The following ZNF479 variants were observed in gnomAD, a reference collection of about 807,000 sequenced individuals.
ZNF479 encodes the protein zinc finger protein 479, also known as KRAB zinc finger protein KR19.
ZNF479 carries 15 observed loss-of-function variants against 14.7 expected under a neutral mutation model. That is an observed-to-expected ratio of 1.02 (90% CI 0.68 to 1.57). ZNF479 has a LOEUF of 1.57. ZNF479 is among the 40% of genes most tolerant of loss of function. The pLI is 0.00. For missense variants in ZNF479, 506 were observed against 615.1 expected (o/e 0.82, Z 1.88); for synonymous variants, 145 against 211.5 (o/e 0.69, Z 2.73).
chr7:57,134,900 C>T (rs561766236), upstream of ZNF479, among the ~76,000 whole-genome samples: 2 of 152,154 alleles, frequency 1.3e-5, no homozygotes, highest in Admixed American at 6.5e-5. Flanking sequence ...ATCTCGAACT[C>T]CTGACCTCAA....
At chr7:57,134,620 G>T (rs1786563640), upstream of ZNF479, among the ~76,000 whole-genome samples, 2 of 147,514 alleles carry the variant, frequency 1.4e-5, no homozygotes, top group South Asian at 4.3e-4. Context: ...TAATAAATTT[G>T]CTTTTGCTTT....
chr7:57,125,486 AACCAAG>A, intron 3 of ZNF479, among the ~76,000 whole-genome samples: 1 of 151,218 alleles, frequency 6.6e-6, no homozygotes, highest in African/African-American at 2.4e-5. Context: ...GTGGGGGGAT[AACCAAG>A]CCTCTAAATA....
Position 57,121,548 on chromosome 7 carries a change from T to C in ZNF479, c.263-396A>G, listed in dbSNP as rs558129683. ...AGACTGCAGTATGATGGGCAGAAGATAGGTGTAGAACGTAGTTACTGACCA... is the reference window on the plus strand; with the variant it reads ...AGACTGCAGTATGATGGGCAGAAGACAGGTGTAGAACGTAGTTACTGACCA... On this transcript the variant is annotated intron_variant, in intron 3 of 3. Transcript: ENST00000319636. 2.9e-3 allele frequency among the ~76,000 whole-genome samples: 440 copies of C among 152,310 alleles called. 3 individuals carry two copies. Among genetic ancestry groups the C allele is most frequent in the African/African-American group, 0.01 (430 of 41,576 alleles).
rs368326502 is a variant in ZNF479, at chr7:57,126,001, C to T, written c.262+17G>A. 8.6e-5 allele frequency: 138 copies of T among 1,600,816 alleles called. No homozygotes were observed. Among genetic ancestry groups the T allele is most frequent in the Non-Finnish European group, 9.7e-5 (114 of 1,178,710 alleles). On this transcript the variant is annotated intron_variant, in intron 3 of 3. Coordinates refer to ENST00000319636, the MANE Select transcript of ZNF479 (RefSeq NM_001370129.2). ...TACCTCTCATCTGTCTCATCTGCTT[C>T]ATTCGCTCTCACCTACCTGGGTGTT... is the stretch of plus-strand genomic sequence containing the variant.
At chr7:57,134,788 C>A (rs1338028820), upstream of ZNF479, among the ~76,000 whole-genome samples, 1 of 151,332 alleles carries the variant, frequency 6.6e-6, no homozygotes, top group African/African-American at 2.4e-5. Flanking sequence ...GATTCTCCTG[C>A]CTCAGCCTCT....
chr7:57,118,759 C>A lies in ZNF479; in HGVS notation c.*1081G>T, dbSNP rs576130758. 5.3e-5 allele frequency among the ~76,000 whole-genome samples: 8 copies of A among 152,144 alleles called. No individual in the cohort carries two copies. The highest frequency in any genetic ancestry group is 1.2e-4 in the Non-Finnish European group (8 of 68,024). The stretch of plus-strand genomic sequence containing the variant: ...TTTTCACATTCTTTGTACAATTTTT[C>A]TCTAGTATAAATGCTTTCCTGTACC... On this transcript the variant is annotated 3_prime_UTR_variant, in exon 4 of 4. Transcript: ENST00000319636.
Position 57,132,304 on chromosome 7 carries a change from G to T in ZNF479, c.21C>A (p.Pro7=), listed in dbSNP as rs766952650. MAKRPG[P]PGSREMGLLT... ...CACTCACCATTTCTCGGCTTCCAGG[G>T]GGTCCTGGTCTTTTAGCCATAAATC... The change falls in exon 1 of 4, where the codon CCC becomes CCA. Residue 7 remains proline, a synonymous_variant. Transcript: ENST00000319636. 3.7e-6 allele frequency: 6 copies of T among 1,613,954 alleles called. 1 individual carries two copies. The South Asian group carries it at 4.4e-5, about 12-fold the overall frequency.
Position 57,120,539 on chromosome 7 carries a change from A to G in ZNF479, c.876T>C (p.Thr292=), listed in dbSNP as rs1554400180. ...SALTNHKRIH[T]GERPYKCEEC... is the part of the protein sequence containing the mutation. ...CTTCACATTTGTAGGGTCTCTCTCC[A>G]GTATGAATTCTCTTGTGGTTAGTAA... Residue 292 remains threonine, a synonymous_variant, in exon 4 of 4, where the codon ACT becomes ACC. Transcript: ENST00000319636. The G allele has an allele frequency of 6.2e-7, 1 of 1,613,598 alleles. No homozygotes were observed. The highest frequency in any genetic ancestry group is 1.3e-5 in the African/African-American group (1 of 74,800).
At chr7:57,135,930 G>A (rs1248700152), upstream of ZNF479, among the ~76,000 whole-genome samples, 5 of 150,986 alleles carry the variant, frequency 3.3e-5, no homozygotes, top group East Asian at 9.7e-4. Flanking sequence ...GCTTTCCTGA[G>A]CTCCTCACCT....
Position 57,118,013 on chromosome 7 carries a change from A to G in ZNF479, c.*1827T>C, listed in dbSNP as rs545571915. 0.053 allele frequency among the ~76,000 whole-genome samples: 7,495 copies of G among 141,976 alleles called. No homozygotes were observed. Among genetic ancestry groups the G allele is most frequent in the African/African-American group, 0.099 (3,654 of 36,740 alleles). 93.1% of individuals were successfully genotyped at this position (141,976 alleles called of 152,430 possible). A position where few individuals can be genotyped will look rare whatever the true frequency, so the allele number is the denominator to read the frequency against. ...CAGTGCCTTCATTCTTTCTACTGTG[A>G]CCCCTCAGATGCTTATATAGACTTA... On this transcript the variant is annotated 3_prime_UTR_variant, in exon 4 of 4. Transcript: ENST00000319636.
chr7:57,120,381 C>T lies in ZNF479; in HGVS notation c.1034G>A (p.Arg345Lys), dbSNP rs1335608758. 3.1e-6 allele frequency: 5 copies of T among 1,613,244 alleles called. No individual in the cohort carries two copies. Among genetic ancestry groups the T allele is most frequent in the Non-Finnish European group, 4.2e-6 (5 of 1,179,708 alleles). Residue 345 changes from arginine (R) to lysine (K), a missense_variant, in exon 4 of 4, where the codon AGA becomes AAA. By Grantham distance (26) the Arg-to-Lys change is conservative (BLOSUM62 2). Around this residue, in one of 3 missense-constraint regions of ZNF479, gnomAD observed 420 missense variants for 474.2 expected, o/e 0.89. Coordinates refer to ENST00000319636, the MANE Select transcript of ZNF479 (RefSeq NM_001370129.2). ...SWSSNLTRHK[R>K]IHTREKPYAC... ...ATAGGGTTTCTCTCTAGTATGAATTCTCTTATGTCTAGTAAGGTTTGAGGA... is the reference window on the plus strand; with the variant it reads ...ATAGGGTTTCTCTCTAGTATGAATTTTCTTATGTCTAGTAAGGTTTGAGGA...
rs908855536 is a variant in ZNF479, at chr7:57,132,274, C to G, written c.39+12G>C. On this transcript the variant is annotated intron_variant, in intron 1 of 3. Transcript: ENST00000319636. ...CCCACCCCTCTCTCACGATGACAGACCCAGCACTCACCATTTCTCGGCTTC... is the reference window on the plus strand; with the variant it reads ...CCCACCCCTCTCTCACGATGACAGAGCCAGCACTCACCATTTCTCGGCTTC... The G allele has an allele frequency of 6.2e-7, 1 of 1,613,962 alleles. No homozygotes were observed.
chr7:57,131,364 A>T lies in ZNF479; in HGVS notation c.39+922T>A, dbSNP rs143099343. 7.2e-5 allele frequency among the ~76,000 whole-genome samples: 11 copies of T among 152,068 alleles called. No homozygotes were observed. The East Asian group carries it at 2.1e-3, about 30-fold the overall frequency. ...GATCACCTGAGGCCAAAAGTTGGAG[A>T]CCTACCTGGCCAACATGGTGAAATC... On this transcript the variant is annotated intron_variant, in intron 1 of 3. Coordinates refer to ENST00000319636, the MANE Select transcript of ZNF479 (RefSeq NM_001370129.2).
Position 57,119,317 on chromosome 7 carries a change from CT to C in ZNF479, c.*522del, listed in dbSNP as rs1430522015. On this transcript the variant is annotated 3_prime_UTR_variant, in exon 4 of 4. Coordinates refer to ENST00000319636, the MANE Select transcript of ZNF479 (RefSeq NM_001370129.2). ...TGAGATGTGCTTAAAGGTTTTGTCA[CT>C]TTTTTTATGTTTCTAGGGTCTCTGT... Among the ~76,000 whole-genome samples the C allele has an allele frequency of 2.0e-5, 3 of 152,124 alleles. No homozygotes were observed. The highest frequency in any genetic ancestry group is 4.8e-5 in the African/African-American group (2 of 41,414).
chr7:57,128,847 C>T (rs1015257884), intron 1 of ZNF479, among the ~76,000 whole-genome samples: 3 of 152,192 alleles, frequency 2.0e-5, no homozygotes, highest in African/African-American at 7.2e-5. Context: ...CTGAGACATG[C>T]TCACCTGAGA....
In ZNF479 at chr7:57,122,258, G is replaced by GA. The variant is rs565708184; in HGVS notation, c.263-1107dup. Among the ~76,000 whole-genome samples, 732 of 151,298 alleles carry GA rather than the reference G, an allele frequency of 4.8e-3. 9 individuals carry two copies. The highest frequency in any genetic ancestry group is 0.017 in the African/African-American group (702 of 41,412). Reference sequence around the variant, plus strand: ...GAACTGTGTAAAATGGTCAAAGGCTGAAAAAAATTTTCATGGTGAGAATAA... The same window carrying GA: ...GAACTGTGTAAAATGGTCAAAGGCTGAAAAAAAATTTTCATGGTGAGAATAA... On this transcript the variant is annotated intron_variant, in intron 3 of 3. Coordinates refer to ENST00000319636, the MANE Select transcript of ZNF479 (RefSeq NM_001370129.2).
intron 3 of ZNF479, among the ~76,000 whole-genome samples, chr7:57,122,476 A>C (rs1402713458): frequency 6.6e-6 from 1 of 152,052 alleles, no homozygotes; most frequent in Non-Finnish European, 1.5e-5. Context: ...ATGCATATAC[A>C]AAAAGTAAAA....
In ZNF479 at chr7:57,120,377, A is replaced by T; in HGVS notation, c.1038T>A (p.Ile346=). ...WSSNLTRHKR[I]HTREKPYACE... ...AGGCATAGGGTTTCTCTCTAGTATG[A>T]ATTCTCTTATGTCTAGTAAGGTTTG... Residue 346 remains isoleucine (I), a synonymous_variant, in exon 4 of 4, where the codon ATT becomes ATA. Coordinates refer to ENST00000319636, the MANE Select transcript of ZNF479 (RefSeq NM_001370129.2). The T allele has an allele frequency of 6.2e-7, 1 of 1,613,360 alleles. No homozygotes were observed. The highest frequency in any genetic ancestry group is 8.5e-7 in the Non-Finnish European group (1 of 1,179,738).
intron 1 of ZNF479, among the ~76,000 whole-genome samples, chr7:57,130,011 A>T (rs533954727): frequency 1.3e-5 from 2 of 152,232 alleles, no homozygotes; most frequent in Non-Finnish European, 2.9e-5. Context: ...AATGTATATC[A>T]CTAAACATCC....
Sources: allele counts gnomAD v4.1 joint callset (sites outside exome capture counted in the v4.1 genomes callset), GRCh38; gene constraint gnomAD v4.1.1; regional missense constraint gnomAD v4.1.1; transcripts MANE v1.5; gene names NCBI Gene and HGNC (gene_info 2026-07-23, HGNC 2026-07-21).